Variants in CBR4 observed in about 807,000 individuals in gnomAD.
CBR4 encodes the protein 3-oxoacyl-[acyl-carrier-protein] reductase.
A neutral mutation model predicts 21.0 loss-of-function variants in CBR4; 22 were observed. The ratio of observed to expected loss-of-function variants is 1.05; its 90% confidence interval spans 0.75 to 1.50. The LOEUF (loss-of-function observed/expected upper bound fraction) is 1.50, where lower values mean the gene tolerates loss of function less well. Among genes scored for constraint, CBR4 ranks in the 40% most tolerant of loss-of-function variants. The pLI is 0.00. For synonymous variants in CBR4, 100 were observed against 104.4 expected, an observed-to-expected ratio of 0.96 and a Z score of 0.26; for missense variants, 302 against 286.3, an observed-to-expected ratio of 1.05 and a Z score of -0.40.
chr4:168,966,514 G>C (rs572573642), intron 2 of CBR4, among the ~76,000 whole-genome samples: 4 of 151,424 alleles, frequency 2.6e-5, no homozygotes, highest in African/African-American at 9.7e-5. Flanking sequence ...ACGACAGAGC[G>C]AGACTCCGTC....
chr4:168,898,197 CTT>C, intron 2 of CBR4: 1 of 435,190 alleles, frequency 2.3e-6, no homozygotes, highest in Non-Finnish European at 4.3e-6. Flanking sequence ...TTGCTTTTGC[CTT>C]TTTCTTTCCT....
chr4:168,921,745 G>C, intron 2 of CBR4: 6 of 1,608,498 alleles, frequency 3.7e-6, no homozygotes, highest in Non-Finnish European at 5.1e-6. Context: ...GTTGCTGGTA[G>C]GCTCATCTGT....
rs1380000682 is a variant in CBR4, at chr4:168,926,293, CA to C, written n.170-31529del. 5 of 1,537,018 alleles carry C rather than the reference CA, an allele frequency of 3.3e-6. No homozygotes were observed. In the African/African-American group the frequency reaches 6.8e-5, roughly 21 times the overall value. ...CAGTCGCTATGCAGCACTTTCGGAC[CA>C]GGGACTAGACATCAAAGCAGCGTTC... On this transcript the variant is annotated intron_variant and non_coding_transcript_variant, in intron 2 of 3. Coordinates refer to the CBR4 transcript ENST00000509108.
chr4:168,924,505 C>A, intron 2 of CBR4: 1 of 1,302,394 alleles, frequency 7.7e-7, no homozygotes, highest in Non-Finnish European at 1.1e-6. Flanking sequence ...GCATGGAAAT[C>A]TATGTGTAAA....
At chr4:168,939,667 G>A (rs559851210) in intron 2 of CBR4, among the ~76,000 whole-genome samples, 24 of 151,460 alleles carry the variant, frequency 1.6e-4, no homozygotes, top group African/African-American at 5.1e-4. Context: ...GAGCCAAGAC[G>A]TGAGTGAACT....
At chr4:168,997,484 C>A (rs1211199239) in intron 4 of CBR4, among the ~76,000 whole-genome samples, 2 of 152,098 alleles carry the variant, frequency 1.3e-5, no homozygotes, top group African/African-American at 4.8e-5. Flanking sequence ...CCTGTAATCC[C>A]AGCTACTACT....
At chr4:168,976,036 G>C (rs1764361181) in intron 2 of CBR4, among the ~76,000 whole-genome samples, 1 of 152,160 alleles carries the variant, frequency 6.6e-6, no homozygotes, top group Admixed American at 6.5e-5. Flanking sequence ...AAGCAAGCAG[G>C]GCTCTCAGGC....
In CBR4 at chr4:168,925,072, G is replaced by A. The variant is rs781065277; in HGVS notation, n.170-30307C>T. 7.0e-5 allele frequency: 113 copies of A among 1,613,886 alleles called. No homozygotes were observed. The highest frequency in any genetic ancestry group is 9.3e-5 in the Non-Finnish European group (110 of 1,179,932). ...TGTGTCCTGTACTGCCAGGCTGGAC[G>A]TTTACAGTGAGTGCCACTTCATCTC... On this transcript the variant is annotated intron_variant and non_coding_transcript_variant, in intron 2 of 3. Coordinates refer to the CBR4 transcript ENST00000509108.
At chr4:168,990,413 G>C in intron 4 of CBR4, 85 bp from the exon 5 acceptor site, 1 of 1,253,530 alleles carries the variant, frequency 8.0e-7, no homozygotes, top group Non-Finnish European at 1.0e-6. Flanking sequence ...ATTTGTTTCT[G>C]AAAATTTTAA....
chr4:169,006,614 T>A, intron 3 of CBR4, 141 bp downstream of exon 3: 1 of 795,262 alleles, frequency 1.3e-6, no homozygotes, highest in Non-Finnish European at 2.0e-6. Context: ...TTTTACTCAT[T>A]AATCAATTAA....
rs199608686 is a variant in CBR4, at chr4:168,924,458, C to T, written n.170-29693G>A. ...AATGAGAACCTGATCCTTAACTGTTCAGTCCTAATGATGTATCAAAAGATA... is the reference window on the plus strand; with the variant it reads ...AATGAGAACCTGATCCTTAACTGTTTAGTCCTAATGATGTATCAAAAGATA... On this transcript the variant is annotated intron_variant and non_coding_transcript_variant, in intron 2 of 3. Coordinates refer to the CBR4 transcript ENST00000509108. The T allele has an allele frequency of 4.5e-6, 7 of 1,555,374 alleles. No individual in the cohort carries two copies. In the Admixed American group the frequency reaches 1.0e-4, roughly 22 times the overall value.
chr4:168,967,729 G>A (rs923146636), intron 2 of CBR4, among the ~76,000 whole-genome samples: 6 of 152,046 alleles, frequency 3.9e-5, no homozygotes, highest in Admixed American at 1.3e-4. Flanking sequence ...TAGGCAAGAG[G>A]GGGTACTAAA....
At chr4:168,926,085 C>A in intron 2 of CBR4, 1 of 721,014 alleles carries the variant, frequency 1.4e-6, no homozygotes, top group Non-Finnish European at 2.1e-6. Context: ...CTAAATTTTC[C>A]ATGTTTCTAC....
intron 2 of CBR4, chr4:168,928,228 G>GTCTT (rs1361486051): frequency 5.4e-6 from 1 of 185,246 alleles, no homozygotes; most frequent in African/African-American, 2.3e-5. Flanking sequence ...TATGACTTAT[G>GTCTT]TCTTACTTGC....
At chr4:168,928,485 C>T (rs933477830) in intron 2 of CBR4, 21 of 172,342 alleles carry the variant, frequency 1.2e-4, no homozygotes, top group African/African-American at 5.0e-4. Context: ...TAACAATTAG[C>T]ATAAACTTTG....
At chr4:168,920,052 T>A (rs1761123562) in intron 2 of CBR4, among the ~76,000 whole-genome samples, 1 of 152,134 alleles carries the variant, frequency 6.6e-6, no homozygotes, top group African/African-American at 2.4e-5. Flanking sequence ...GGATCTAACC[T>A]GGTAAAGTAG....
rs543499049 is a variant in CBR4 at position 169,007,646 on chromosome 4, C to T, written c.253G>A (p.Gly85Ser). Reference protein sequence around the residue: ...GRVNFLVNAAGINRDGLLVRT... With the variant: ...GRVNFLVNAASINRDGLLVRT... ...AAATCTGTGACCAACCTGTTAATACCAGCTGCATTTACCAAGAAATTTACT... is the reference window on the plus strand; with the variant it reads ...AAATCTGTGACCAACCTGTTAATACTAGCTGCATTTACCAAGAAATTTACT... The change falls in exon 2 of 5, where the codon GGT becomes AGT. Residue 85 changes from glycine (G) to serine (S), a missense_variant. Coordinates refer to ENST00000306193, the MANE Select transcript of CBR4 (RefSeq NM_032783.5). 6.3e-7 allele frequency: 1 copy of T among 1,575,532 alleles called. No individual in the cohort carries two copies. The highest frequency in any genetic ancestry group is 1.8e-5 in the Admixed American group (1 of 54,170).
rs760419523 is a variant in CBR4 at position 168,898,607 on chromosome 4, G to C, written n.170-3842C>G. ...AGTTCAGTATGGAGATGTGCCTGTG[G>C]AAAATGGAATGGCACCATTCTTTGA... On this transcript the variant is annotated intron_variant and non_coding_transcript_variant, in intron 2 of 3. Coordinates refer to the CBR4 transcript ENST00000509108. 2 of 1,613,886 alleles carry C rather than the reference G, an allele frequency of 1.2e-6. No individual in the cohort carries two copies. The highest frequency in any genetic ancestry group is 8.5e-7 in the Non-Finnish European group (1 of 1,179,766).
intron 2 of CBR4, among the ~76,000 whole-genome samples, chr4:168,978,584 T>C (rs1011575840): frequency 6.6e-6 from 1 of 152,160 alleles, no homozygotes; most frequent in African/African-American, 2.4e-5. Flanking sequence ...CATGAACCTT[T>C]GCAATTTCAG....
Sources: gnomAD v4.1 joint callset for allele counts (sites outside exome capture counted in the v4.1 genomes callset) on GRCh38, gnomAD v4.1.1 for gene constraint, MANE v1.5 for transcripts, NCBI Gene and HGNC (gene_info 2026-07-23, HGNC 2026-07-21) for gene names.